CACNB2: variants seen among roughly 807,000 people sequenced by gnomAD.
CACNB2 encodes calcium voltage-gated channel auxiliary subunit beta 2, also known as voltage-dependent L-type calcium channel subunit beta-2.
A neutral mutation model predicts 73.3 loss-of-function variants in CACNB2; 42 were observed. That is an observed-to-expected ratio of 0.57 (90% CI 0.45 to 0.74). The LOEUF (loss-of-function observed/expected upper bound fraction) is 0.74. Ranked by LOEUF, CACNB2 falls within the 30% of genes least tolerant of loss-of-function variation. The pLI, the probability that CACNB2 is intolerant of heterozygous loss-of-function variation, is 0.00. For missense variants in CACNB2, 940 were observed against 853.0 expected, an observed-to-expected ratio of 1.10 and a Z score of -1.27; for synonymous variants, 348 against 310.3, an observed-to-expected ratio of 1.12 and a Z score of -1.28.
At chr10:18,346,094 C>G (rs962313159) in intron 2 of CACNB2, among the ~76,000 whole-genome samples, 3 of 152,190 alleles carry the variant, frequency 2.0e-5, no homozygotes, top group African/African-American at 7.2e-5. Context: ...CCTCCAGTGG[C>G]CATTCAGAGA....
Position 18,140,541 on chromosome 10 carries a change from C to T in CACNB2, c.-196C>T, listed in dbSNP as rs923160562. On this transcript the variant is annotated 5_prime_UTR_variant, in exon 1 of 14. Transcript: ENST00000324631. The stretch of plus-strand genomic sequence containing the variant: ...GAGCGGCTCGCTTCGCCCGATGCCC[C>T]GGCCCCGTCCCGCGCACTGAGCGCC... The T allele has an allele frequency of 2.6e-5, 9 of 346,780 alleles. No homozygotes were observed. Among genetic ancestry groups the T allele is most frequent in the Non-Finnish European group, 4.1e-5 (8 of 196,722 alleles). 21.5% of individuals were successfully genotyped at this position (346,780 alleles called of 1,614,324 possible).
At chr10:18,259,815 A>G (rs1295214366) in intron 2 of CACNB2, among the ~76,000 whole-genome samples, 2 of 151,508 alleles carry the variant, frequency 1.3e-5, no homozygotes, top group East Asian at 3.9e-4. Context: ...AGGTGGGAGG[A>G]CTGCCTGAGC....
At chr10:18,476,940 A>G (rs1362592356) in intron 3 of CACNB2, among the ~76,000 whole-genome samples, 1 of 152,126 alleles carries the variant, frequency 6.6e-6, no homozygotes, top group Admixed American at 6.5e-5. Flanking sequence ...GAATCACTTG[A>G]ACCCGGGAGG....
intron 2 of CACNB2, among the ~76,000 whole-genome samples, chr10:18,327,852 C>G (rs922489015): frequency 2.0e-5 from 3 of 152,182 alleles, no homozygotes; most frequent in Non-Finnish European, 2.9e-5. Flanking sequence ...GCCTCTGGAG[C>G]TAGGACTGAG....
chr10:18,171,658 G>A (rs931420630), intron 2 of CACNB2, among the ~76,000 whole-genome samples: 11 of 147,358 alleles, frequency 7.5e-5, no homozygotes, highest in East Asian at 2.0e-4. Flanking sequence ...ACACACCACC[G>A]TTTGGACTCA....
intron 13 of CACNB2, among the ~76,000 whole-genome samples, chr10:18,538,802 A>T (rs949259424): frequency 5.3e-5 from 8 of 152,172 alleles, no homozygotes; most frequent in Non-Finnish European, 2.9e-5. Flanking sequence ...GGGTCTACAG[A>T]ACAGTGCCTG....
In CACNB2 at chr10:18,205,008, G is replaced by A. The variant is rs1249415334; in HGVS notation, c.213+54033G>A. Among the ~76,000 whole-genome samples, 3 of 145,440 alleles carry A rather than the reference G, an allele frequency of 2.1e-5. No homozygotes were observed. The East Asian group carries it at 6.0e-4, about 29-fold the overall frequency. On this transcript the variant is annotated intron_variant, in intron 2 of 13. Transcript: ENST00000324631. Reference sequence around the variant, plus strand: ...AAAAAAAAAAAGGTCTGGCTTTCATGCCCAAGACTCTATATTCCAAACTCT... The same window carrying A: ...AAAAAAAAAAAGGTCTGGCTTTCATACCCAAGACTCTATATTCCAAACTCT...
chr10:18,387,363 A>G (rs1191738404), intron 2 of CACNB2, among the ~76,000 whole-genome samples: 2 of 152,134 alleles, frequency 1.3e-5, no homozygotes, highest in African/African-American at 4.8e-5. Context: ...TTTGTGTTAC[A>G]GCCTCTGTGA....
At chr10:18,477,041 C>A (rs1056645260) in intron 3 of CACNB2, among the ~76,000 whole-genome samples, 1 of 151,378 alleles carries the variant, frequency 6.6e-6, no homozygotes, top group East Asian at 1.9e-4. Flanking sequence ...AAATACAGTT[C>A]TCATCTGCCA....
At chr10:18,377,580 GA>G (rs1223998490) in intron 2 of CACNB2, among the ~76,000 whole-genome samples, 1 of 152,192 alleles carries the variant, frequency 6.6e-6, no homozygotes, top group African/African-American at 2.4e-5. Context: ...CGCAACATGA[GA>G]TGTTCTTCTT....
chr10:18,424,605 G>A (rs2045502923), intron 3 of CACNB2, among the ~76,000 whole-genome samples: 1 of 152,092 alleles, frequency 6.6e-6, no homozygotes, highest in South Asian at 2.1e-4. Flanking sequence ...TTATCATTAT[G>A]CTGAATGTGG....
chr10:18,140,975 G>T (rs1340751435), intron 1 of CACNB2, 119 bp downstream of exon 1: 27 of 1,517,626 alleles, frequency 1.8e-5, no homozygotes, highest in Non-Finnish European at 2.4e-5. Context: ...TCCCCTCGTC[G>T]CCTGCCCACC....
chr10:18,530,777 G>A lies in CACNB2; in HGVS notation c.1054+3080G>A, dbSNP rs564129498. Among the ~76,000 whole-genome samples, 26 of 152,222 alleles carry A rather than the reference G, an allele frequency of 1.7e-4. No individual in the cohort carries two copies. In the South Asian group the frequency reaches 4.8e-3, roughly 28 times the overall value. ...GGCCAAGTACTGCAGTAACTATAAC[G>A]GAAGCTTTGCATGTGGATTAATTTA... On this transcript the variant is annotated intron_variant, in intron 10 of 13. Coordinates refer to ENST00000324631, the MANE Select transcript of CACNB2 (RefSeq NM_201596.3).
At chr10:18,293,578 A>G (rs567591453) in intron 2 of CACNB2, among the ~76,000 whole-genome samples, 2 of 152,362 alleles carry the variant, frequency 1.3e-5, no homozygotes, top group South Asian at 4.1e-4. Flanking sequence ...GGTTTACTTC[A>G]TACTCAATTA....
intron 2 of CACNB2, among the ~76,000 whole-genome samples, chr10:18,391,919 C>A (rs796441261): frequency 1.9e-5 from 2 of 107,288 alleles, no homozygotes; most frequent in Non-Finnish European, 3.9e-5. Context: ...CAGAGTAAGA[C>A]CCTGTCAAAA....
chr10:18,459,104 G>T (rs2132661331), intron 3 of CACNB2, among the ~76,000 whole-genome samples: 1 of 152,146 alleles, frequency 6.6e-6, no homozygotes, highest in Non-Finnish European at 1.5e-5. Context: ...AAAGACTTCT[G>T]CTCCTGTTGA....
intron 9 of CACNB2, among the ~76,000 whole-genome samples, 172 bp downstream of exon 9, chr10:18,519,140 G>T (rs1168464248): frequency 1.3e-5 from 2 of 152,026 alleles, no homozygotes; most frequent in Admixed American, 6.6e-5. Flanking sequence ...ATATTTGCTT[G>T]GTACATCTTT....
At chr10:18,358,545 TCTCTCTCG>T (rs1368733411) in intron 2 of CACNB2, among the ~76,000 whole-genome samples, 1,794 of 29,336 alleles carry the variant, frequency 0.061, 120 homozygotes, top group Non-Finnish European at 0.098. Context: ...TCTCTCTCTC[TCTCTCTCG>T]CTCTCTCTCT....
intron 10 of CACNB2, among the ~76,000 whole-genome samples, chr10:18,532,397 G>A (rs1421961344): frequency 6.6e-6 from 1 of 151,928 alleles, no homozygotes; most frequent in African/African-American, 2.4e-5. Flanking sequence ...ATTAGGGCTG[G>A]GCGCAGTGGC....
Sources: gnomAD v4.1 joint callset for allele counts (sites outside exome capture counted in the v4.1 genomes callset) on GRCh38, gnomAD v4.1.1 for gene constraint, MANE v1.5 for transcripts, NCBI Gene and HGNC (gene_info 2026-07-23, HGNC 2026-07-21) for gene names.